Variants in MYOM2 observed in about 807,000 individuals in gnomAD.
MYOM2 encodes myomesin 2, also known as myomesin-2.
Under a neutral mutation model 187.6 loss-of-function variants are expected in MYOM2, and 254 were observed. The observed-to-expected ratio is 1.35, with a 90% CI of 1.22 to 1.50. MYOM2 has a LOEUF of 1.50. MYOM2 is among the 40% of genes most tolerant of loss of function. The pLI is 0.00. For missense variants in MYOM2, 2,796 were observed against 1,924.0 expected, an observed-to-expected ratio of 1.45 and a Z score of -8.48; for synonymous variants, 981 against 753.8, an observed-to-expected ratio of 1.30 and a Z score of -4.94.
intron 8 of MYOM2, among the ~76,000 whole-genome samples, chr8:2,071,918 A>T (rs1320175258): frequency 1.3e-5 from 2 of 151,282 alleles, no homozygotes; most frequent in East Asian, 2.0e-4. Flanking sequence ...CTGGGGTCCC[A>T]CTCTCACGAT....
At chr8:2,132,531 C>T (rs1797911568) in intron 32 of MYOM2, among the ~76,000 whole-genome samples, 3 of 152,080 alleles carry the variant, frequency 2.0e-5, no homozygotes, top group African/African-American at 7.2e-5. Context: ...ACATATTGAC[C>T]ACTGAAGTCT....
chr8:2,076,282 G>C lies in MYOM2; in HGVS notation c.1262G>C (p.Arg421Pro). The part of the protein sequence containing the change: ...ESPVMGYFVD[R>P]CEVGTNNWVQ... ...CCCGTCATGGGCTATTTTGTGGACCGGTGAGCGTCTTGCATTCTCCCGGGG... is the reference window on the plus strand; with the variant it reads ...CCCGTCATGGGCTATTTTGTGGACCCGTGAGCGTCTTGCATTCTCCCGGGG... The change falls in exon 11 of 37, where the codon CGA becomes CCA. Residue 421 changes from arginine to proline, a missense_variant and splice_region_variant. Physicochemically the swap from Arg to Pro is moderately radical, Grantham distance 103 (BLOSUM62 -2). Coordinates refer to ENST00000262113, the MANE Select transcript of MYOM2 (RefSeq NM_003970.4). 6.2e-7 allele frequency: 1 copy of C among 1,613,228 alleles called. No homozygotes were observed. The highest frequency in any genetic ancestry group is 8.5e-7 in the Non-Finnish European group (1 of 1,179,760).
chr8:2,066,991 G>T (rs1819040089), intron 6 of MYOM2, among the ~76,000 whole-genome samples: 1 of 152,166 alleles, frequency 6.6e-6, no homozygotes, highest in Admixed American at 6.5e-5. Context: ...TACCCAGACT[G>T]GGCTCTGGTG....
chr8:2,099,500 T>A (rs912319003), intron 19 of MYOM2, among the ~76,000 whole-genome samples: 1 of 151,688 alleles, frequency 6.6e-6, no homozygotes, highest in Non-Finnish European at 1.5e-5. Flanking sequence ...GAGCTCCTGC[T>A]GTCCTCTCAG....
chr8:2,102,193 T>A (rs1032150469), intron 20 of MYOM2: 1 of 152,756 alleles, frequency 6.5e-6, no homozygotes, highest in Non-Finnish European at 1.5e-5. Context: ...ATCAGCTACA[T>A]AAATCAACTA....
intron 20 of MYOM2, 96 bp downstream of exon 20, chr8:2,101,150 A>T: frequency 7.8e-7 from 1 of 1,275,794 alleles, no homozygotes; most frequent in East Asian, 2.5e-5. Context: ...GTTCGAAACC[A>T]GCCTGGCCAA....
chr8:2,061,826 C>G (rs1347957555), intron 6 of MYOM2, among the ~76,000 whole-genome samples: 1 of 152,236 alleles, frequency 6.6e-6, no homozygotes, highest in Non-Finnish European at 1.5e-5. Flanking sequence ...TGGCCCTGCT[C>G]ACAGAGAGCT....
chr8:2,093,716 G>C (rs1796384488), intron 16 of MYOM2, among the ~76,000 whole-genome samples: 1 of 152,218 alleles, frequency 6.6e-6, no homozygotes, highest in Non-Finnish European at 1.5e-5. Context: ...AGGAGGCCCA[G>C]AAAGTACAAA....
chr8:2,068,094 G>C (rs1819077174), intron 6 of MYOM2, among the ~76,000 whole-genome samples: 1 of 152,198 alleles, frequency 6.6e-6, no homozygotes. Flanking sequence ...AAAGGATGGA[G>C]AGCATCGTGG....
chr8:2,072,366 C>G lies in MYOM2; in HGVS notation c.815C>G (p.Pro272Arg), dbSNP rs564509220. 1.2e-6 allele frequency: 2 copies of G among 1,614,112 alleles called. No individual in the cohort carries two copies. The highest frequency in any genetic ancestry group is 1.3e-5 in the African/African-American group (1 of 75,026). ...PIGLPLSSMI[P>R]YTHFDVQFLE... ...GCAGTGCCCCTGTCATCGATGATTC[C>G]GTACACGCACTTCGACGTCCAGTTT... Residue 272 changes from proline (P) to arginine (R), a missense_variant, in exon 9 of 37, where the codon CCG becomes CGG. Transcript: ENST00000262113.
intron 3 of MYOM2, among the ~76,000 whole-genome samples, chr8:2,056,649 C>T (rs962961610): frequency 1.3e-5 from 2 of 152,150 alleles, no homozygotes; most frequent in Non-Finnish European, 2.9e-5. Context: ...TTTAAAATCA[C>T]TCAGAAACTG....
chr8:2,098,773 A>G lies in MYOM2; in HGVS notation c.2314-84A>G, dbSNP rs543549443. The G allele has an allele frequency of 2.1e-4, 296 of 1,380,754 alleles. 1 individual carries two copies. The African/African-American group carries it at 3.8e-3, about 18-fold the overall frequency. The allele number at this position is 1,380,754 out of a possible 1,614,324, so 85.5% of individuals were successfully genotyped here. ...TCCTTCCTCTCATATTTTATTTCAC[A>G]AGCCAGTTATAACAACTCCTCCCCC... On this transcript the variant is annotated intron_variant, in intron 18 of 36. Coordinates refer to ENST00000262113, the MANE Select transcript of MYOM2 (RefSeq NM_003970.4).
At chr8:2,101,538 T>C (rs1241560737) in intron 20 of MYOM2, among the ~76,000 whole-genome samples, 2 of 152,040 alleles carry the variant, frequency 1.3e-5, no homozygotes, top group Admixed American at 1.3e-4. Flanking sequence ...GCCATGCGCG[T>C]TGTGGGGCCC....
chr8:2,095,682 G>A (rs1448702273), intron 17 of MYOM2, among the ~76,000 whole-genome samples: 1 of 152,142 alleles, frequency 6.6e-6, no homozygotes. Context: ...TCAGAGCTGG[G>A]GCAAGCAGAC....
At chr8:2,057,557 T>C (rs3765207) in intron 4 of MYOM2, 66 bp from the exon 5 acceptor site, 1,390,179 of 1,612,196 alleles carry the variant, frequency 0.86, 600,668 homozygotes, top group East Asian at 0.97. Flanking sequence ...GCATGGTGCT[T>C]GAGGGGCCGA....
intron 34 of MYOM2, among the ~76,000 whole-genome samples, chr8:2,141,627 C>T (rs1295182951): frequency 6.6e-6 from 1 of 152,058 alleles, no homozygotes; most frequent in Admixed American, 6.6e-5. Context: ...GGTTGGAATA[C>T]CTCTGGTTGG....
chr8:2,140,619 G>A lies in MYOM2; in HGVS notation c.3801-104G>A, dbSNP rs1164178024. 7 of 1,126,542 alleles carry A rather than the reference G, an allele frequency of 6.2e-6. No homozygotes were observed. The Admixed American group carries it at 9.3e-5, about 15-fold the overall frequency. The allele number at this position is 1,126,542 out of a possible 1,614,324, so 69.8% of individuals were successfully genotyped here. A position where few individuals can be genotyped will look rare whatever the true frequency, so the allele number is the denominator to read the frequency against. ...ATAATCTATTGTGACATTGGCATCA[G>A]CAGCTTAGAGAAGGCTGTCACAGCA... On this transcript the variant is annotated intron_variant, in intron 32 of 36. Coordinates refer to ENST00000262113, the MANE Select transcript of MYOM2 (RefSeq NM_003970.4).
intron 9 of MYOM2, among the ~76,000 whole-genome samples, chr8:2,072,796 G>A (rs1461132675): frequency 6.6e-6 from 1 of 152,240 alleles, no homozygotes; most frequent in Non-Finnish European, 1.5e-5. Context: ...TCAGTTTAAT[G>A]CACATTACTG....
intron 32 of MYOM2, among the ~76,000 whole-genome samples, chr8:2,133,202 A>G (rs1055178425): frequency 2.0e-5 from 3 of 152,322 alleles, no homozygotes; most frequent in African/African-American, 4.8e-5. Flanking sequence ...AGGCTGTCCC[A>G]TCTTGTGGGG....
Sources: allele counts gnomAD v4.1 joint callset (sites outside exome capture counted in the v4.1 genomes callset), GRCh38; gene constraint gnomAD v4.1.1; transcripts MANE v1.5; gene names NCBI Gene and HGNC (gene_info 2026-07-23, HGNC 2026-07-21).